The following RELCH variants were observed in gnomAD, a reference collection of about 807,000 sequenced individuals.
The protein encoded by RELCH is RAB11-binding protein RELCH.
RELCH carries 41 observed loss-of-function variants against 150.3 expected under a neutral mutation model. The ratio of observed to expected loss-of-function variants is 0.27; its 90% confidence interval spans 0.21 to 0.35. RELCH has a LOEUF of 0.35. Ranked by LOEUF, RELCH falls within the 10% of genes least tolerant of loss-of-function variation. RELCH has a pLI of 1.00. For synonymous variants in RELCH, 478 were observed against 531.8 expected, an observed-to-expected ratio of 0.90 and a Z score of 1.39; for missense variants, 1,092 against 1,467.8, an observed-to-expected ratio of 0.74 and a Z score of 4.18.
chr18:62,204,496 T>C (rs1324345078), intron 1 of RELCH, among the ~76,000 whole-genome samples: 1 of 152,040 alleles, frequency 6.6e-6, no homozygotes, highest in East Asian at 1.9e-4. Context: ...CATGCCCAAC[T>C]AATTTTTCGA....
At chr18:62,302,014 G>A (rs1052661973) in intron 28 of RELCH, among the ~76,000 whole-genome samples, 1 of 152,196 alleles carries the variant, frequency 6.6e-6, no homozygotes, top group Non-Finnish European at 1.5e-5. Flanking sequence ...CAGGCATTAC[G>A]GTCCTTGAGA....
chr18:62,267,523 CAT>C (rs150777941), intron 19 of RELCH, among the ~76,000 whole-genome samples: 7 of 125,636 alleles, frequency 5.6e-5, no homozygotes, highest in African/African-American at 1.5e-4. Flanking sequence ...TGTGTGTATA[CAT>C]ATATATATAT....
chr18:62,299,619 T>G (rs78058634), intron 28 of RELCH, among the ~76,000 whole-genome samples: 2,617 of 152,256 alleles, frequency 0.017, 88 homozygotes, highest in East Asian at 0.13. Context: ...ATGGAAGCAG[T>G]CTTCTCCATA....
chr18:62,270,640 C>CT (rs531266627), intron 20 of RELCH, among the ~76,000 whole-genome samples: 39 of 151,964 alleles, frequency 2.6e-4, no homozygotes, highest in African/African-American at 8.0e-4. Context: ...ACTCTTCTTT[C>CT]TTTTTTTTAT....
At chr18:62,270,468 C>T (rs981486841) in intron 20 of RELCH, among the ~76,000 whole-genome samples, 1 of 152,024 alleles carries the variant, frequency 6.6e-6, no homozygotes, top group African/African-American at 2.4e-5. Flanking sequence ...GGCAGTCCCA[C>T]CAGTAAGGTG....
intron 25 of RELCH, 80 bp downstream of exon 25, chr18:62,282,524 A>G: frequency 1.4e-6 from 2 of 1,447,574 alleles, no homozygotes; most frequent in Non-Finnish European, 1.9e-6. Context: ...CTTGTCATGT[A>G]TTAAAATTTT....
intron 1 of RELCH, among the ~76,000 whole-genome samples, chr18:62,210,858 G>A (rs1359708826): frequency 6.6e-6 from 1 of 152,130 alleles, no homozygotes; most frequent in Non-Finnish European, 1.5e-5. Flanking sequence ...CTCTTTCTTA[G>A]GTGGCAGCTC....
At chr18:62,259,561 C>T (rs561822836) in intron 15 of RELCH, among the ~76,000 whole-genome samples, 1 of 151,674 alleles carries the variant, frequency 6.6e-6, no homozygotes, top group East Asian at 1.9e-4. Flanking sequence ...TGTATACTAC[C>T]CAAAGTGATC....
chr18:62,259,715 G>A (rs1298421856), intron 15 of RELCH, among the ~76,000 whole-genome samples: 1 of 151,810 alleles, frequency 6.6e-6, no homozygotes, highest in Non-Finnish European at 1.5e-5. Context: ...TGGAAAAAGT[G>A]CACTATCTGA....
At chr18:62,282,824 A>T (rs966263517) in intron 25 of RELCH, among the ~76,000 whole-genome samples, 1 of 152,032 alleles carries the variant, frequency 6.6e-6, no homozygotes, top group Non-Finnish European at 1.5e-5. Context: ...TGCCCGGCTA[A>T]TTTTTGTATT....
At chr18:62,291,123 C>T (rs750498876) in intron 26 of RELCH, among the ~76,000 whole-genome samples, 8 of 152,140 alleles carry the variant, frequency 5.3e-5, no homozygotes, top group Non-Finnish European at 7.4e-5. Flanking sequence ...TTGTCTTATA[C>T]GTAATAGTTA....
intron 13 of RELCH, among the ~76,000 whole-genome samples, chr18:62,257,667 G>A (rs2043056098): frequency 6.6e-6 from 1 of 151,920 alleles, no homozygotes; most frequent in South Asian, 2.1e-4. Context: ...AACATGCTGA[G>A]AGATGATTAA....
intron 1 of RELCH, among the ~76,000 whole-genome samples, chr18:62,209,549 G>T (rs755928633): frequency 5.3e-5 from 8 of 151,770 alleles, no homozygotes; most frequent in Non-Finnish European, 1.2e-4. Flanking sequence ...AAATCAGGAA[G>T]TATCAGTCCT....
intron 1 of RELCH, among the ~76,000 whole-genome samples, chr18:62,190,580 A>T (rs891890474): frequency 6.6e-6 from 1 of 152,108 alleles, no homozygotes; most frequent in African/African-American, 2.4e-5. Flanking sequence ...CCATCTCAAA[A>T]ATAAATAAAT....
intron 9 of RELCH, 89 bp from the exon 10 acceptor site, chr18:62,232,243 G>T (rs962499865): frequency 1.4e-6 from 1 of 733,378 alleles, no homozygotes; most frequent in Non-Finnish European, 2.5e-6. Flanking sequence ...TTAGGGCAGA[G>T]GTATCAGGGC....
At position 62,251,983 on chromosome 18, in the gene RELCH, G is replaced by T. The variant is rs79828358; in HGVS notation, c.1734-681G>T. Among the ~76,000 whole-genome samples the T allele has an allele frequency of 1.3e-4, 19 of 151,928 alleles. No homozygotes were observed. In the East Asian group the frequency reaches 3.5e-3, roughly 28 times the overall value. On this transcript the variant is annotated intron_variant, in intron 11 of 28. Transcript: ENST00000644646. Reference sequence around the variant, plus strand: ...GGCAGCTTAGGCCATTGTTAGCAAGGTATAATTTTTTCTTTTTTTCTTTTT... The same window carrying T: ...GGCAGCTTAGGCCATTGTTAGCAAGTTATAATTTTTTCTTTTTTTCTTTTT...
At chr18:62,257,275 T>C (rs1005312038) in intron 13 of RELCH, among the ~76,000 whole-genome samples, 10 of 152,104 alleles carry the variant, frequency 6.6e-5, no homozygotes, top group Non-Finnish European at 1.3e-4. Context: ...AAATATTCTG[T>C]GTGAAATCAA....
chr18:62,187,350 CCTG>C lies in RELCH; in HGVS notation c.-154_-152del. On this transcript the variant is annotated 5_prime_UTR_variant, in exon 1 of 29. Transcript: ENST00000644646. Reference sequence around the variant, plus strand: ...ATCAGGTGCAGCTGCATCCGGATCTCCTGCCTTGGAGCGTACTCCTTGTCTCTA... The same window carrying C: ...ATCAGGTGCAGCTGCATCCGGATCTCCCTTGGAGCGTACTCCTTGTCTCTA... The C allele has an allele frequency of 1.6e-6, 1 of 606,180 alleles. No homozygotes were observed. Among genetic ancestry groups the C allele is most frequent in the Non-Finnish European group, 2.6e-6 (1 of 378,002 alleles). The allele number at this position is 606,180 out of a possible 1,614,324, so 37.6% of individuals were successfully genotyped here. A position where few individuals can be genotyped will look rare whatever the true frequency, so the allele number is the denominator to read the frequency against.
chr18:62,253,252 G>GCGTTC (rs2144589889), intron 12 of RELCH, among the ~76,000 whole-genome samples: 4 of 140,816 alleles, frequency 2.8e-5, no homozygotes, highest in Non-Finnish European at 3.1e-5. Flanking sequence ...TATACTTGAA[G>GCGTTC]AAACAGCAAG....
Sources: allele counts gnomAD v4.1 joint callset (sites outside exome capture counted in the v4.1 genomes callset), GRCh38; gene constraint gnomAD v4.1.1; transcripts MANE v1.5; gene names NCBI Gene and HGNC (gene_info 2026-07-23, HGNC 2026-07-21).